Variants in OSBP2 observed in about 807,000 individuals in gnomAD.
The protein encoded by OSBP2 is oxysterol binding protein 2.
Under a neutral mutation model 96.0 loss-of-function variants are expected in OSBP2, and 66 were observed. The observed-to-expected ratio is 0.69, with a 90% CI of 0.56 to 0.84. The LOEUF is 0.84. Ranked by LOEUF, OSBP2 falls within the 40% of genes least tolerant of loss-of-function variation. The pLI is 0.00. For missense variants in OSBP2, 1,038 were observed against 1,222.7 expected (o/e 0.85, Z 2.25); for synonymous variants, 525 against 520.9 (o/e 1.01, Z -0.11).
At position 30,716,045 on chromosome 22, in the gene OSBP2, T is replaced by TTTCTTTC. The variant is rs57987845; in HGVS notation, c.644+20494_644+20495insCTTTCTT. On this transcript the variant is annotated intron_variant, in intron 1 of 13. Transcript: ENST00000332585. ...CATCTTTTCTTTCTTTCTTTCTTTC[T>TTTCTTTC]TTTTTTTTTTTTTGAGACAGAATCT... 2.0e-3 allele frequency among the ~76,000 whole-genome samples: 65 copies of TTTCTTTC among 32,464 alleles called. 1 individual carries two copies. Among genetic ancestry groups the TTTCTTTC allele is most frequent in the East Asian group, 0.013 (36 of 2,838 alleles). 21.3% of individuals were successfully genotyped at this position (32,464 alleles called of 152,430 possible). A position where few individuals can be genotyped will look rare whatever the true frequency, so the allele number is the denominator to read the frequency against.
intron 1 of OSBP2, among the ~76,000 whole-genome samples, chr22:30,716,460 CA>C (rs761083614): frequency 4.2e-4 from 64 of 150,882 alleles, no homozygotes; most frequent in Non-Finnish European, 7.8e-4. Context: ...TTTTTTGAGA[CA>C]GAGTCTCACA....
At chr22:30,792,772 G>A (rs147705062) in intron 2 of OSBP2, among the ~76,000 whole-genome samples, 29 of 152,282 alleles carry the variant, frequency 1.9e-4, no homozygotes, top group Middle Eastern at 3.4e-3. Context: ...ACAAGCCTCC[G>A]GTCTTCCACA....
intron 2 of OSBP2, among the ~76,000 whole-genome samples, chr22:30,830,795 C>T (rs1295072462): frequency 1.3e-5 from 2 of 152,094 alleles, no homozygotes; most frequent in East Asian, 1.9e-4. Flanking sequence ...GTTTCCATAG[C>T]GCCATTATCC....
intron 1 of OSBP2, among the ~76,000 whole-genome samples, chr22:30,730,398 C>G: frequency 6.6e-6 from 1 of 152,122 alleles, no homozygotes; most frequent in East Asian, 1.9e-4. Context: ...TTTATTTCCC[C>G]CCACTTATTG....
Position 30,881,705 on chromosome 22 carries a change from C to T in OSBP2, c.1108-5721C>T, listed in dbSNP as rs758024314. 53 of 1,304,006 alleles carry T rather than the reference C, an allele frequency of 4.1e-5. No homozygotes were observed. Among genetic ancestry groups the T allele is most frequent in the Middle Eastern group, 2.1e-4 (1 of 4,718 alleles). 80.8% of individuals were successfully genotyped at this position (1,304,006 alleles called of 1,614,324 possible). A position where few individuals can be genotyped will look rare whatever the true frequency, so the allele number is the denominator to read the frequency against. On this transcript the variant is annotated intron_variant, in intron 3 of 13. Transcript: ENST00000332585. The surrounding 1 kb of genome is among the most constrained non-coding windows in gnomAD (Gnocchi z 4.5). Reference sequence around the variant, plus strand: ...CAGCATTCTGAGAACAGCAGGGCCACGCCAGGCGCCTGCCTCTCCCCACAG... The same window carrying T: ...CAGCATTCTGAGAACAGCAGGGCCATGCCAGGCGCCTGCCTCTCCCCACAG...
At position 30,832,653 on chromosome 22, in the gene OSBP2, T is replaced by C. The variant is rs753377350; in HGVS notation, c.854-37776T>C. On this transcript the variant is annotated intron_variant, in intron 2 of 13. Coordinates refer to ENST00000332585, the MANE Select transcript of OSBP2 (RefSeq NM_030758.4). The stretch of plus-strand genomic sequence containing the variant: ...AATCATTGTTTGGACTCATTCTTAA[T>C]TGGAAATGCCAGGCTCTTTCTGTGA... Among the ~76,000 whole-genome samples, 3 of 152,326 alleles carry C rather than the reference T, an allele frequency of 2.0e-5. No individual in the cohort carries two copies. In the South Asian group the frequency reaches 6.2e-4, roughly 32 times the overall value.
At chr22:30,893,794 G>A (rs1375540903) in intron 11 of OSBP2, 23 bp from the exon 12 acceptor site, 9 of 1,602,410 alleles carry the variant, frequency 5.6e-6, no homozygotes, top group South Asian at 1.1e-5. Context: ...CTGCACCTAC[G>A]CTGGTCCTGC....
chr22:30,733,265 C>G (rs1322290375), intron 1 of OSBP2, among the ~76,000 whole-genome samples: 2 of 152,148 alleles, frequency 1.3e-5, no homozygotes, highest in African/African-American at 2.4e-5. Flanking sequence ...GGGGAGGATG[C>G]AAAGTAACAT....
chr22:30,694,297 C>T (rs769815920), upstream of OSBP2: 1 of 1,549,388 alleles, frequency 6.5e-7, no homozygotes, highest in Non-Finnish European at 8.7e-7. Flanking sequence ...GTGAGGCGGC[C>T]ACTTGGGGCC....
intron 1 of OSBP2, among the ~76,000 whole-genome samples, chr22:30,700,719 T>A (rs2089143976): frequency 4.6e-5 from 7 of 152,116 alleles, no homozygotes; most frequent in Admixed American, 4.6e-4. Flanking sequence ...GCTAAGCCAG[T>A]TAGCAAGGAA....
intron 2 of OSBP2, among the ~76,000 whole-genome samples, chr22:30,809,606 G>A (rs1231993156): frequency 6.6e-6 from 1 of 152,194 alleles, no homozygotes; most frequent in East Asian, 1.9e-4. Flanking sequence ...GCCCTACAAG[G>A]CTTAGCTCCT....
At chr22:30,887,024 C>T (rs1051544015) in intron 3 of OSBP2, among the ~76,000 whole-genome samples, 1 of 152,150 alleles carries the variant, frequency 6.6e-6, no homozygotes, top group Non-Finnish European at 1.5e-5. Context: ...ATGGTTATTT[C>T]TTGCTGATAT....
chr22:30,799,591 C>T (rs1228023423), intron 2 of OSBP2, among the ~76,000 whole-genome samples: 1 of 152,270 alleles, frequency 6.6e-6, no homozygotes, highest in African/African-American at 2.4e-5. Context: ...CATCCTAGGC[C>T]TGACTCCACA....
intron 1 of OSBP2, among the ~76,000 whole-genome samples, chr22:30,719,658 G>C (rs1569095650): frequency 6.6e-6 from 1 of 151,660 alleles, no homozygotes; most frequent in Non-Finnish European, 1.5e-5. Flanking sequence ...GAAGGCTGTG[G>C]CATGAGAATT....
At chr22:30,884,293 C>T (rs1316517241) in intron 3 of OSBP2, among the ~76,000 whole-genome samples, 51 of 152,178 alleles carry the variant, frequency 3.4e-4, no homozygotes, top group Admixed American at 3.3e-3. Flanking sequence ...GACTGCACTC[C>T]TCCCACCTGG....
At chr22:30,887,741 A>C in intron 4 of OSBP2, 123 bp downstream of exon 4, 1 of 762,364 alleles carries the variant, frequency 1.3e-6, no homozygotes, top group East Asian at 2.7e-5. Context: ...GCCTTGGCCA[A>C]CTCTTGACTG....
rs1222633033 is a variant in OSBP2 at position 30,881,803 on chromosome 22, G to A, written c.1108-5623G>A. 1 of 1,303,992 alleles carries A rather than the reference G, an allele frequency of 7.7e-7. No individual in the cohort carries two copies. The highest frequency in any genetic ancestry group is 1.0e-6 in the Non-Finnish European group (1 of 988,906). 80.8% of individuals were successfully genotyped at this position (1,303,992 alleles called of 1,614,324 possible). ...CCTGGGAGTCAGGGATGGACACCAG[G>A]TGGGTGCATCCGGGCTGGGGGAGGT... On this transcript the variant is annotated intron_variant, in intron 3 of 13. Coordinates refer to ENST00000332585, the MANE Select transcript of OSBP2 (RefSeq NM_030758.4). The surrounding 1 kb of genome is among the most constrained non-coding windows in gnomAD (Gnocchi z 4.5).
intron 2 of OSBP2, among the ~76,000 whole-genome samples, chr22:30,796,209 A>T (rs2090758791): frequency 6.6e-6 from 1 of 152,134 alleles, no homozygotes; most frequent in Admixed American, 6.6e-5. Flanking sequence ...CTTTATGTGG[A>T]TATAGCTTCT....
Position 30,887,389 on chromosome 22 carries a change from A to T in OSBP2, c.1108-37A>T, listed in dbSNP as rs139771753. On this transcript the variant is annotated intron_variant, in intron 3 of 13. Coordinates refer to ENST00000332585, the MANE Select transcript of OSBP2 (RefSeq NM_030758.4). ...CCTCTGACAGATGGGCCCCTGCCAG[A>T]GGCCAGGGTCTCATACCGCCACTCC... 14,010 of 1,567,736 alleles carry T rather than the reference A, an allele frequency of 8.9e-3. 94 individuals are homozygous for T. Among genetic ancestry groups the T allele is most frequent in the Non-Finnish European group, 0.01 (11,867 of 1,144,092 alleles).
Sources: gnomAD v4.1 joint callset for allele counts (sites outside exome capture counted in the v4.1 genomes callset) on GRCh38, gnomAD v4.1.1 for gene constraint, Gnocchi (gnomAD v3.1) non-coding constraint, MANE v1.5 for transcripts, NCBI Gene and HGNC (gene_info 2026-07-23, HGNC 2026-07-21) for gene names.